The following FRMD4B variants were observed in gnomAD, a reference collection of about 807,000 sequenced individuals.
FRMD4B encodes FERM domain-containing protein 4B.
A neutral mutation model predicts 141.5 loss-of-function variants in FRMD4B; 74 were observed. The observed-to-expected ratio is 0.52, with a 90% confidence interval of 0.43 to 0.63. The LOEUF (loss-of-function observed/expected upper bound fraction) is 0.63, where lower values mean the gene tolerates loss of function less well. FRMD4B is among the 30% of genes least tolerant of loss of function. The probability of loss-of-function intolerance (pLI) is 0.00; values close to 1 mark genes in which losing one functional copy is unlikely to be tolerated. For missense variants in FRMD4B, 1,366 were observed against 1,253.4 expected (o/e 1.09, Z -1.36); for synonymous variants, 506 against 467.9 (o/e 1.08, Z -1.05).
At chr3:69,278,753 ATTTT>A (rs1197744272) in intron 5 of FRMD4B, among the ~76,000 whole-genome samples, 1 of 151,484 alleles carries the variant, frequency 6.6e-6, no homozygotes, top group African/African-American at 2.4e-5. Flanking sequence ...CACCTGGCTA[ATTTT>A]TTTTTATTTT....
intron 1 of FRMD4B, among the ~76,000 whole-genome samples, chr3:69,487,432 G>C (rs1390269232): frequency 6.6e-6 from 1 of 152,168 alleles, no homozygotes; most frequent in Admixed American, 6.5e-5. Context: ...TGGGGGTCTA[G>C]AGATTGGGTT....
intron 1 of FRMD4B, among the ~76,000 whole-genome samples, chr3:69,345,229 T>C (rs1272381747): frequency 6.6e-6 from 1 of 152,194 alleles, no homozygotes; most frequent in Non-Finnish European, 1.5e-5. Flanking sequence ...CCACGGAGCC[T>C]CGCTCATGGC....
chr3:69,537,896 T>C (rs1161677458), intron 1 of FRMD4B, among the ~76,000 whole-genome samples: 2 of 152,220 alleles, frequency 1.3e-5, no homozygotes, highest in Non-Finnish European at 2.9e-5. Context: ...CCTGCAACTG[T>C]ATTCATGTGG....
At chr3:69,281,626 C>G (rs567487198) in intron 5 of FRMD4B, among the ~76,000 whole-genome samples, 31 of 151,938 alleles carry the variant, frequency 2.0e-4, no homozygotes, top group Admixed American at 1.6e-3. Flanking sequence ...GAGTTCGAGA[C>G]CAGCCTGACC....
chr3:69,442,615 G>C (rs1467349368), intron 1 of FRMD4B, among the ~76,000 whole-genome samples: 1 of 151,994 alleles, frequency 6.6e-6, no homozygotes, highest in African/African-American at 2.4e-5. Flanking sequence ...GCAATTTAAT[G>C]CCATCCTTAT....
At chr3:69,224,542 G>A (rs1477548297) in intron 8 of FRMD4B, 65 bp downstream of exon 8, 6 of 765,570 alleles carry the variant, frequency 7.8e-6, no homozygotes, top group Admixed American at 2.2e-5. Flanking sequence ...TTAATGCCCT[G>A]AAAAGCATGT....
At chr3:69,484,436 G>A (rs923662370) in intron 1 of FRMD4B, among the ~76,000 whole-genome samples, 2 of 152,148 alleles carry the variant, frequency 1.3e-5, no homozygotes, top group Admixed American at 1.3e-4. Flanking sequence ...GCCTTTGCTC[G>A]AGTTCTTGTC....
At position 69,367,518 on chromosome 3, in the gene FRMD4B, AAAAATATAT is replaced by A. The variant is rs1328116610; in HGVS notation, c.162+18301_162+18309del. Among the ~76,000 whole-genome samples, 8 of 30,178 alleles carry A rather than the reference AAAAATATAT, an allele frequency of 2.7e-4. No individual in the cohort carries two copies. The East Asian group carries it at 0.012, about 44-fold the overall frequency. The allele number at this position is 30,178 out of a possible 152,430, so 19.8% of individuals were successfully genotyped here. A position where few individuals can be genotyped will look rare whatever the true frequency, so the allele number is the denominator to read the frequency against. On this transcript the variant is annotated intron_variant, in intron 1 of 22. Transcript: ENST00000398540. ...TGTACTTTGTTTTTGTTTTTACCCA[AAAAATATAT>A]CATTGACAATTATCTGGGCCAATAT...
intron 11 of FRMD4B, among the ~76,000 whole-genome samples, chr3:69,212,359 CAAA>C (rs869309749): frequency 3.9e-5 from 1 of 25,360 alleles, no homozygotes; most frequent in Non-Finnish European, 6.4e-5. Context: ...AACCCCGTCT[CAAA>C]AAAAAAAAAA....
chr3:69,290,819 G>A (rs896665805), intron 4 of FRMD4B, among the ~76,000 whole-genome samples: 4 of 152,166 alleles, frequency 2.6e-5, no homozygotes, highest in African/African-American at 9.7e-5. Flanking sequence ...GTGGGGCTAG[G>A]TCTTGGTCTG....
chr3:69,172,109 A>T, intron 22 of FRMD4B, 128 bp from the exon 23 acceptor site: 1 of 748,460 alleles, frequency 1.3e-6, no homozygotes, highest in Non-Finnish European at 2.3e-6. Context: ...TGTAGAGATA[A>T]GGGAAAGGAG....
intron 7 of FRMD4B, among the ~76,000 whole-genome samples, chr3:69,229,835 A>T (rs1287572014): frequency 6.6e-6 from 1 of 152,066 alleles, no homozygotes; most frequent in African/African-American, 2.4e-5. Context: ...CCTCCGGAGT[A>T]GCTGGGACTA....
chr3:69,447,504 A>T (rs1167427229), intron 1 of FRMD4B, among the ~76,000 whole-genome samples: 1 of 152,216 alleles, frequency 6.6e-6, no homozygotes, highest in African/African-American at 2.4e-5. Flanking sequence ...GATTTTGACA[A>T]ATATATACAC....
chr3:69,473,756 T>C (rs933391761), intron 1 of FRMD4B, among the ~76,000 whole-genome samples: 1 of 152,162 alleles, frequency 6.6e-6, no homozygotes, highest in Admixed American at 6.5e-5. Flanking sequence ...GAATATGACA[T>C]AAAAATTTAG....
chr3:69,215,652 T>C (rs2093133340), intron 11 of FRMD4B, among the ~76,000 whole-genome samples: 1 of 152,094 alleles, frequency 6.6e-6, no homozygotes, highest in Admixed American at 6.6e-5. Flanking sequence ...ACATGTTCAC[T>C]GCAGAAAATG....
intron 1 of FRMD4B, among the ~76,000 whole-genome samples, chr3:69,439,050 CGT>C (rs1175226302): frequency 1.1e-3 from 82 of 72,324 alleles, no homozygotes; most frequent in African/African-American, 6.7e-3. Context: ...AGTTCGTGTG[CGT>C]GTGTGTGTAT....
At chr3:69,421,421 A>G (rs1205851418) in intron 2 of FRMD4B, among the ~76,000 whole-genome samples, 4 of 152,212 alleles carry the variant, frequency 2.6e-5, no homozygotes, top group Admixed American at 2.6e-4. Context: ...GTACAGGATG[A>G]CAGGGAACAG....
intron 5 of FRMD4B, among the ~76,000 whole-genome samples, chr3:69,267,657 AGAGAGAGAG>A (rs2093573643): frequency 1.1e-5 from 1 of 90,028 alleles, no homozygotes; most frequent in Non-Finnish European, 2.3e-5. Context: ...AGAGAGAGAG[AGAGAGAGAG>A]AGAGAGAGAG....
At chr3:69,184,289 G>T (rs1418569430) in intron 19 of FRMD4B, among the ~76,000 whole-genome samples, 1 of 152,116 alleles carries the variant, frequency 6.6e-6, no homozygotes, top group African/African-American at 2.4e-5. Context: ...TTATTAGCAT[G>T]TATTTATACA....
Sources: gnomAD v4.1 joint callset for allele counts (sites outside exome capture counted in the v4.1 genomes callset) on GRCh38, gnomAD v4.1.1 for gene constraint, MANE v1.5 for transcripts, NCBI Gene and HGNC (gene_info 2026-07-23, HGNC 2026-07-21) for gene names.